Variants in WDR81 observed in about 807,000 individuals in gnomAD.
WDR81 encodes the protein WD repeat domain 81.
Under a neutral mutation model 140.8 loss-of-function variants are expected in WDR81, and 92 were observed. That is an observed-to-expected ratio of 0.65 (90% CI 0.55 to 0.78). The LOEUF (loss-of-function observed/expected upper bound fraction) is 0.78. Ranked by LOEUF, WDR81 falls within the 30% of genes least tolerant of loss-of-function variation. WDR81 has a pLI of 0.00. For missense variants in WDR81, 2,502 were observed against 2,636.4 expected (o/e 0.95, Z 1.12); for synonymous variants, 1,183 against 1,156.4 (o/e 1.02, Z -0.47).
Position 1,725,720 on chromosome 17 carries a change from C to T in WDR81, c.761C>T (p.Thr254Ile), listed in dbSNP as rs911503622. The change falls in exon 1 of 10, where the codon ACC becomes ATC. Residue 254 changes from threonine (T) to isoleucine (I), a missense_variant. Thr to Ile is a moderately conservative substitution (Grantham distance 89). Coordinates refer to ENST00000409644, the MANE Select transcript of WDR81 (RefSeq NM_001163809.2). ...GTCACCTTCAGCCCTGCCAAGCTGACCAACAGCCAGGCCAAGGTGCTGTTC... is the reference window on the plus strand; with the variant it reads ...GTCACCTTCAGCCCTGCCAAGCTGATCAACAGCCAGGCCAAGGTGCTGTTC... ...DVVTFSPAKLTNSQAKVLFIL... is the reference protein window; with the variant it reads ...DVVTFSPAKLINSQAKVLFIL... 12 of 1,550,286 alleles carry T rather than the reference C, an allele frequency of 7.7e-6. No homozygotes were observed. The African/African-American group carries it at 8.2e-5, about 11-fold the overall frequency.
At position 1,728,622 on chromosome 17, in the gene WDR81, C is replaced by T. The variant is rs375085851; in HGVS notation, c.3663C>T (p.Leu1221=). The change falls in exon 1 of 10, where the codon CTC becomes CTT. Residue 1221 remains leucine (L), a synonymous_variant. Transcript: ENST00000409644. ...EQSEGKEQKI[L]LDTACKMVRW... Reference sequence around the variant, plus strand: ...CAGAAGGCAAAGAACAGAAGATCCTCCTTGGTAAGTTCCCAGGTCTGGGAG... The same window carrying T: ...CAGAAGGCAAAGAACAGAAGATCCTTCTTGGTAAGTTCCCAGGTCTGGGAG... 26 of 1,463,170 alleles carry T rather than the reference C, an allele frequency of 1.8e-5. No individual in the cohort carries two copies. Among genetic ancestry groups the T allele is most frequent in the Non-Finnish European group, 2.1e-5 (23 of 1,101,178 alleles). 90.6% of individuals were successfully genotyped at this position (1,463,170 alleles called of 1,614,324 possible).
Position 1,734,097 on chromosome 17 carries a change from C to A in WDR81, c.5060C>A (p.Thr1687Lys). ...LYNYGDGTSE[T>K]APRLVYTQHR... ...AACTACGGCGACGGGACCAGCGAGA[C>A]GGCCCCACGCCTCGTCTACACCCAG... is the stretch of plus-strand genomic sequence containing the variant. Residue 1687 changes from threonine (T) to lysine (K), a missense_variant, in exon 7 of 10, where the codon ACG (threonine) becomes AAG (lysine). Physicochemically the swap from Thr to Lys is moderately conservative, Grantham distance 78 (BLOSUM62 -1). Around this residue, in one of 3 missense-constraint regions of WDR81, gnomAD observed 1,737 missense variants for 1,843.0 expected, o/e 0.94. Coordinates refer to ENST00000409644, the MANE Select transcript of WDR81 (RefSeq NM_001163809.2). The A allele has an allele frequency of 6.3e-7, 1 of 1,598,126 alleles. No homozygotes were observed. Among genetic ancestry groups the A allele is most frequent in the Non-Finnish European group, 8.5e-7 (1 of 1,177,922 alleles).
At position 1,733,823 on chromosome 17, in the gene WDR81, G is replaced by A. The variant is rs148122027; in HGVS notation, c.4786G>A (p.Gly1596Arg). The change falls in exon 7 of 10, where the codon GGG (glycine) becomes AGG (arginine). Residue 1596 changes from glycine to arginine, a missense_variant. By Grantham distance (125) the Gly-to-Arg change is moderately radical. This residue lies in a region of WDR81 where 1,737 missense variants were observed against 1,843.0 expected (regional missense o/e 0.94). Coordinates refer to ENST00000409644, the MANE Select transcript of WDR81 (RefSeq NM_001163809.2). ...GGTGGGTGGCGGGGGCCTGGGCAGC[G>A]GGAGCGACGACAACGCCCTGAAGCA... ...SGVGGGGLGSGSDDNALKQEL... is the reference protein window; with the variant it reads ...SGVGGGGLGSRSDDNALKQEL... 73 of 1,612,246 alleles carry A rather than the reference G, an allele frequency of 4.5e-5. No individual in the cohort carries two copies. The African/African-American group carries it at 5.1e-4, about 11-fold the overall frequency.
chr17:1,728,511 T>A lies in WDR81; in HGVS notation c.3552T>A (p.Ser1184=). 6.3e-7 allele frequency: 1 copy of A among 1,583,878 alleles called. No individual in the cohort carries two copies. The highest frequency in any genetic ancestry group is 8.6e-7 in the Non-Finnish European group (1 of 1,163,896). ...CCGGGGCATCTGAGCTCACTCTGTC[T>A]GACACGGTGCTGTCCATGGAGACGG... ...EVTGASELTL[S]DTVLSMETVV... The change falls in exon 1 of 10, where the codon TCT becomes TCA. Residue 1184 remains serine, a synonymous_variant. Transcript: ENST00000409644.
In WDR81 at chr17:1,730,677, G is replaced by T. The variant is rs999458417; in HGVS notation, c.3776-78G>T. Reference sequence around the variant, plus strand: ...GCCCCCAGCTAGAGTGAGCTCAAGCGGCCAGCACAGCCCTGCAGGGCCAGG... The same window carrying T: ...GCCCCCAGCTAGAGTGAGCTCAAGCTGCCAGCACAGCCCTGCAGGGCCAGG... On this transcript the variant is annotated intron_variant, in intron 2 of 9. Coordinates refer to ENST00000409644, the MANE Select transcript of WDR81 (RefSeq NM_001163809.2). 5.3e-6 allele frequency: 8 copies of T among 1,499,468 alleles called. No individual in the cohort carries two copies. In the Admixed American group the frequency reaches 1.5e-4, roughly 28 times the overall value. The allele number at this position is 1,499,468 out of a possible 1,614,324, so 92.9% of individuals were successfully genotyped here.
Position 1,732,453 on chromosome 17 carries a change from T to C in WDR81, c.4286T>C (p.Phe1429Ser). 1 of 1,608,624 alleles carries C rather than the reference T, an allele frequency of 6.2e-7. No individual in the cohort carries two copies. Among genetic ancestry groups the C allele is most frequent in the Non-Finnish European group, 8.5e-7 (1 of 1,177,782 alleles). Residue 1429 changes from phenylalanine to serine, a missense_variant, in exon 5 of 10, where the codon TTC (phenylalanine) becomes TCC (serine). Phe to Ser is a radical substitution (Grantham distance 155). Coordinates refer to ENST00000409644, the MANE Select transcript of WDR81 (RefSeq NM_001163809.2). The stretch of plus-strand genomic sequence containing the variant: ...CTGAGCGAGCCCGTGGCCACCTTTT[T>C]CCAGGTCTTCTCTCAGCTGCATGAG... ...QHLSEPVATF[F>S]QVFSQLHELR...
chr17:1,720,964 C>T (rs1269648119), upstream of WDR81, among the ~76,000 whole-genome samples: 2 of 151,862 alleles, frequency 1.3e-5, no homozygotes, highest in Non-Finnish European at 2.9e-5. Context: ...GCAGTGTAAC[C>T]CCAGTACCGC....
At chr17:1,717,970 T>C (rs963957701) in intron 1 of WDR81, among the ~76,000 whole-genome samples, 7 of 152,088 alleles carry the variant, frequency 4.6e-5, no homozygotes, top group Non-Finnish European at 8.8e-5. Flanking sequence ...GAGGAATGGC[T>C]ATGGGAAGCA....
chr17:1,722,672 GTTTTC>G (rs1198267999), upstream of WDR81, among the ~76,000 whole-genome samples: 1 of 144,210 alleles, frequency 6.9e-6, no homozygotes, highest in African/African-American at 2.6e-5. Flanking sequence ...ATCAGGCCTA[GTTTTC>G]TTTTCTTTTC....
Position 1,724,881 on chromosome 17 carries a change from GC to G in WDR81, c.-77del. 7.8e-7 allele frequency: 1 copy of G among 1,273,928 alleles called. No individual in the cohort carries two copies. The highest frequency in any genetic ancestry group is 9.9e-7 in the Non-Finnish European group (1 of 1,012,518). 78.9% of individuals were successfully genotyped at this position (1,273,928 alleles called of 1,614,324 possible). On this transcript the variant is annotated 5_prime_UTR_variant, in exon 1 of 10. Coordinates refer to ENST00000409644, the MANE Select transcript of WDR81 (RefSeq NM_001163809.2). ...TCCCGCGCCCATCCCAGCCCCGCCG[GC>G]CTGGCACCCCGGAAGCCGTCGCCAG... is the stretch of plus-strand genomic sequence containing the variant.
chr17:1,734,322 G>A, intron 7 of WDR81, 106 bp downstream of exon 7: 1 of 1,347,458 alleles, frequency 7.4e-7, no homozygotes, highest in Non-Finnish European at 9.8e-7. Context: ...AGTTTGGGGA[G>A]ACCCAGCGAG....
At chr17:1,717,175 AGGG>A in intron 1 of WDR81, 1 of 154,992 alleles carries the variant, frequency 6.5e-6, no homozygotes, top group South Asian at 1.8e-4. Flanking sequence ...AGGCCTACTT[AGGG>A]AAGAGATTCG....
rs879753307 is a variant in WDR81 at position 1,735,986 on chromosome 17, G to A, written c.5326-53G>A. The A allele has an allele frequency of 4.5e-6, 7 of 1,550,222 alleles. No individual in the cohort carries two copies. Among genetic ancestry groups the A allele is most frequent in the Non-Finnish European group, 5.2e-6 (6 of 1,152,908 alleles). On this transcript the variant is annotated intron_variant, in intron 8 of 9. Transcript: ENST00000409644. This position sits in a 1 kb window ranked among gnomAD's most constrained non-coding sequence, Gnocchi z 4.2. ...GGCTTGGGTGGTGGGCAGGGCCTTG[G>A]GGAGTGTGAGATGGGAAGGTGGTGC...
chr17:1,728,624 T>C lies in WDR81; in HGVS notation c.3665T>C (p.Leu1222Pro). ...GAAGGCAAAGAACAGAAGATCCTCC[T>C]TGGTAAGTTCCCAGGTCTGGGAGGT... is the stretch of plus-strand genomic sequence containing the variant. ...QSEGKEQKIL[L>P]DTACKMVRWL... The change falls in exon 1 of 10, where the codon CTT becomes CCT. Residue 1222 changes from leucine (L) to proline (P), a missense_variant and splice_region_variant. Transcript: ENST00000409644. 6.8e-7 allele frequency: 1 copy of C among 1,462,764 alleles called. No homozygotes were observed. Among genetic ancestry groups the C allele is most frequent in the Non-Finnish European group, 9.1e-7 (1 of 1,100,890 alleles). The allele number at this position is 1,462,764 out of a possible 1,614,324, so 90.6% of individuals were successfully genotyped here.
At chr17:1,723,384 T>C (rs952789785), upstream of WDR81, among the ~76,000 whole-genome samples, 13 of 151,392 alleles carry the variant, frequency 8.6e-5, no homozygotes, top group East Asian at 2.5e-3. Flanking sequence ...CAGCCCAGGG[T>C]TTCGTTTTAT....
At position 1,732,771 on chromosome 17, in the gene WDR81, C is replaced by G. The variant is rs185883005; in HGVS notation, c.4429C>G (p.Gln1477Glu). The G allele has an allele frequency of 1.6e-5, 26 of 1,613,174 alleles. No individual in the cohort carries two copies. The East Asian group carries it at 4.9e-4, about 30-fold the overall frequency. ...PVDPALLDELQKVFTLEMAYT... is the reference protein window; with the variant it reads ...PVDPALLDELEKVFTLEMAYT... ...GGACCCCGCCCTGCTGGACGAGCTG[C>G]AGAAGGTGTTCACCCTGGAGATGGC... is the stretch of plus-strand genomic sequence containing the variant. The change falls in exon 6 of 10, where the codon CAG becomes GAG. Residue 1477 changes from glutamine to glutamate, a missense_variant. Physicochemically the swap from Gln to Glu is conservative, Grantham distance 29. This residue lies in a region of WDR81 where 1,737 missense variants were observed against 1,843.0 expected (regional missense o/e 0.94). Coordinates refer to ENST00000409644, the MANE Select transcript of WDR81 (RefSeq NM_001163809.2).
upstream of WDR81, chr17:1,724,468 GT>G: frequency 1.0e-6 from 1 of 985,424 alleles, no homozygotes; most frequent in Non-Finnish European, 1.2e-6. Flanking sequence ...CCGCGCGCTG[GT>G]GCGTGCTGGA....
Position 1,736,105 on chromosome 17 carries a change from G to A in WDR81, c.5392G>A (p.Gly1798Ser). The change falls in exon 9 of 10, where the codon GGC (glycine) becomes AGC (serine). Residue 1798 changes from glycine (G) to serine (S), a missense_variant. Physicochemically the swap from Gly to Ser is moderately conservative, Grantham distance 56. This residue lies in a region of WDR81 where 1,737 missense variants were observed against 1,843.0 expected (regional missense o/e 0.94). Coordinates refer to ENST00000409644, the MANE Select transcript of WDR81 (RefSeq NM_001163809.2). ...CCGTGCCCTGGCCATCAGCCCCAGTGGCCGTAGTGTCGTGGCCGGCTTCTC... is the reference window on the plus strand; with the variant it reads ...CCGTGCCCTGGCCATCAGCCCCAGTAGCCGTAGTGTCGTGGCCGGCTTCTC... ...LVRALAISPS[G>S]RSVVAGFSSG... 6.2e-7 allele frequency: 1 copy of A among 1,602,708 alleles called. No homozygotes were observed. Among genetic ancestry groups the A allele is most frequent in the Non-Finnish European group, 8.5e-7 (1 of 1,179,856 alleles).
rs529621446 is a variant in WDR81, at chr17:1,725,996, G to A, written c.1037G>A (p.Arg346Gln). The A allele has an allele frequency of 1.4e-5, 22 of 1,548,450 alleles. No homozygotes were observed. In the African/African-American group the frequency reaches 2.1e-4, roughly 14 times the overall value. ...CAACCCACTGGCCAGGAGGAACTTCGGAGCCTCGTGCTAGATTGGGTCCAC... is the reference window on the plus strand; with the variant it reads ...CAACCCACTGGCCAGGAGGAACTTCAGAGCCTCGTGCTAGATTGGGTCCAC... ...PGQPTGQEEL[R>Q]SLVLDWVHGR... is the part of the protein sequence containing the mutation. Residue 346 changes from arginine to glutamine, a missense_variant, in exon 1 of 10, where the codon CGG becomes CAG. By Grantham distance (43) the Arg-to-Gln change is conservative. Coordinates refer to ENST00000409644, the MANE Select transcript of WDR81 (RefSeq NM_001163809.2).
Sources: gnomAD v4.1 joint callset for allele counts (sites outside exome capture counted in the v4.1 genomes callset) on GRCh38, gnomAD v4.1.1 for gene constraint, gnomAD v4.1.1 regional missense constraint, Gnocchi (gnomAD v3.1) non-coding constraint, MANE v1.5 for transcripts, NCBI Gene and HGNC (gene_info 2026-07-23, HGNC 2026-07-21) for gene names.